The following SLC9C2 variants were observed in gnomAD, a reference collection of about 807,000 sequenced individuals.
SLC9C2 encodes the protein solute carrier family 9 member C2 (putative).
A neutral mutation model predicts 140.2 loss-of-function variants in SLC9C2; 75 were observed. That is an observed-to-expected ratio of 0.53 (90% CI 0.44 to 0.65). SLC9C2 has a LOEUF of 0.65. Ranked by LOEUF, SLC9C2 falls within the 30% of genes least tolerant of loss-of-function variation. SLC9C2 has a pLI of 0.00. For synonymous variants in SLC9C2, 375 were observed against 420.9 expected (o/e 0.89, Z 1.34); for missense variants, 1,074 against 1,331.8 (o/e 0.81, Z 3.01).
At chr1:173,587,931 T>C in intron 4 of SLC9C2, 101 bp from the exon 5 acceptor site, 4 of 872,312 alleles carry the variant, frequency 4.6e-6, no homozygotes, top group Non-Finnish European at 6.8e-6. Flanking sequence ...GTAAATGTTA[T>C]ACAATTACCC....
intron 9 of SLC9C2, among the ~76,000 whole-genome samples, chr1:173,569,890 C>T (rs1486200194): frequency 6.6e-6 from 1 of 152,142 alleles, no homozygotes; most frequent in South Asian, 2.1e-4. Context: ...CAAAGTTCTT[C>T]CCACTCTTTC....
intron 4 of SLC9C2, among the ~76,000 whole-genome samples, chr1:173,592,767 G>C (rs984135644): frequency 6.6e-6 from 1 of 152,086 alleles, no homozygotes. Flanking sequence ...GAGATTATGG[G>C]GTTTTCTAGA....
chr1:173,524,679 C>A, intron 20 of SLC9C2, 100 bp downstream of exon 20: 9 of 1,309,080 alleles, frequency 6.9e-6, no homozygotes, highest in Non-Finnish European at 9.6e-6. Context: ...AGAGTTAACA[C>A]CTGTGGTTAA....
At chr1:173,550,436 A>ATTTTTTTT (rs1467477294) in intron 11 of SLC9C2, among the ~76,000 whole-genome samples, 1 of 122,900 alleles carries the variant, frequency 8.1e-6, no homozygotes, top group African/African-American at 3.9e-5. Context: ...TTATTTATTT[A>ATTTTTTTT]TTTATTTATT....
At chr1:173,528,707 C>G (rs533159323) in intron 18 of SLC9C2, among the ~76,000 whole-genome samples, 1 of 152,276 alleles carries the variant, frequency 6.6e-6, no homozygotes, top group African/African-American at 2.4e-5. Context: ...TCTAGGCCAT[C>G]CATGGTTTTA....
intron 9 of SLC9C2, 84 bp downstream of exon 9, chr1:173,573,098 T>G: frequency 1.0e-6 from 1 of 1,000,254 alleles, no homozygotes; most frequent in Non-Finnish European, 1.4e-6. Flanking sequence ...AGAGCCCTTT[T>G]TGCTGTATGC....
chr1:173,550,546 C>A (rs1663205650), intron 11 of SLC9C2, among the ~76,000 whole-genome samples: 1 of 150,812 alleles, frequency 6.6e-6, no homozygotes, highest in Non-Finnish European at 1.5e-5. Flanking sequence ...TCAAGTGATT[C>A]TCCTGCCTCA....
chr1:173,506,720 A>T, intron 25 of SLC9C2, 136 bp downstream of exon 25: 1 of 699,036 alleles, frequency 1.4e-6, no homozygotes. Flanking sequence ...GTACATTTTT[A>T]CTGTTTGTAA....
chr1:173,552,773 T>A (rs976551693), intron 11 of SLC9C2, among the ~76,000 whole-genome samples: 1 of 152,072 alleles, frequency 6.6e-6, no homozygotes, highest in African/African-American at 2.4e-5. Flanking sequence ...GGACAAGGAG[T>A]TGAATGTTGT....
chr1:173,523,983 T>C lies in SLC9C2; in HGVS notation c.2626A>G (p.Ile876Val). 1 of 1,610,842 alleles carries C rather than the reference T, an allele frequency of 6.2e-7. No homozygotes were observed. The highest frequency in any genetic ancestry group is 8.5e-7 in the Non-Finnish European group (1 of 1,179,124). The change falls in exon 21 of 28, where the codon ATT (isoleucine) becomes GTT (valine). Residue 876 changes from isoleucine (I) to valine (V), a missense_variant. Physicochemically the swap from Ile to Val is conservative, Grantham distance 29. Transcript: ENST00000367714. ...IIWLEGKDVL[I>V]DFFKERAKLA... ...GGAATCTTTACCTTGAAGAAGTCAA[T>C]GAGAACATCTTTACCTTCCAGCCAA... is the stretch of plus-strand genomic sequence containing the variant.
chr1:173,575,978 C>T (rs1454165357), intron 8 of SLC9C2, among the ~76,000 whole-genome samples: 1 of 152,052 alleles, frequency 6.6e-6, no homozygotes, highest in African/African-American at 2.4e-5. Flanking sequence ...AAAAGTAGAA[C>T]GGACATAATT....
intron 19 of SLC9C2, among the ~76,000 whole-genome samples, chr1:173,525,532 T>C (rs1163708643): frequency 6.6e-6 from 1 of 152,272 alleles, no homozygotes; most frequent in Non-Finnish European, 1.5e-5. Flanking sequence ...GCATAGGTTT[T>C]AGTGTCAAAT....
In SLC9C2 at chr1:173,524,770, C is replaced by T; in HGVS notation, c.2514+9G>A. 1 of 1,613,058 alleles carries T rather than the reference C, an allele frequency of 6.2e-7. No individual in the cohort carries two copies. Among genetic ancestry groups the T allele is most frequent in the South Asian group, 1.1e-5 (1 of 90,978 alleles). ...GGGGTGTTATGCGGACAGAATCAAG[C>T]AAAATTACCTTATTTATCTCAATGA... On this transcript the variant is annotated intron_variant, in intron 20 of 27. Coordinates refer to ENST00000367714, the MANE Select transcript of SLC9C2 (RefSeq NM_178527.4).
rs71111066 is a variant in SLC9C2, at chr1:173,511,029, C to CTTTTTTTTTTTTTTTTTTTT, written c.2908-1350_2908-1331dup. The stretch of plus-strand genomic sequence containing the variant: ...CCTGGATTTTTTTTCCTTTCTTTTC[C>CTTTTTTTTTTTTTTTTTTTT]TTTTTTTTTTTTTTTTTTTTTTTTG... On this transcript the variant is annotated intron_variant, in intron 23 of 27. Coordinates refer to ENST00000367714, the MANE Select transcript of SLC9C2 (RefSeq NM_178527.4). Among the ~76,000 whole-genome samples, 18 of 86,738 alleles carry CTTTTTTTTTTTTTTTTTTTT rather than the reference C, an allele frequency of 2.1e-4. 1 individual carries two copies. The highest frequency in any genetic ancestry group is 9.3e-4 in the African/African-American group (17 of 18,298). 56.9% of individuals were successfully genotyped at this position (86,738 alleles called of 152,430 possible). A position where few individuals can be genotyped will look rare whatever the true frequency, so the allele number is the denominator to read the frequency against.
At chr1:173,507,633 T>C (rs1363032277) in intron 24 of SLC9C2, among the ~76,000 whole-genome samples, 1 of 152,102 alleles carries the variant, frequency 6.6e-6, no homozygotes, top group Non-Finnish European at 1.5e-5. Context: ...TAAGATGAAG[T>C]CATACTGGAA....
At chr1:173,526,428 C>T (rs1395804601) in intron 19 of SLC9C2, among the ~76,000 whole-genome samples, 1 of 152,162 alleles carries the variant, frequency 6.6e-6, no homozygotes, top group Non-Finnish European at 1.5e-5. Context: ...ACTCTGCTAA[C>T]TTTTTCAATT....
intron 9 of SLC9C2, among the ~76,000 whole-genome samples, chr1:173,561,313 G>C (rs1664088885): frequency 6.6e-6 from 1 of 152,182 alleles, no homozygotes; most frequent in South Asian, 2.1e-4. Context: ...GTTGCTGTTT[G>C]CCTGGGATGG....
chr1:173,509,645 A>G lies in SLC9C2; in HGVS notation c.2962T>C (p.Ser988Pro). Reference protein sequence around the residue: ...LYEGFDAFWPSLEYKIWLKLA... With the variant: ...LYEGFDAFWPPLEYKIWLKLA... ...TTTAGCCATATTTTATATTCCAGAG[A>G]TGGCCAGAAGGCATCAAAGCCTTCA... The change falls in exon 24 of 28, where the codon TCT (serine) becomes CCT (proline). Residue 988 changes from serine to proline, a missense_variant. Transcript: ENST00000367714. 6.3e-7 allele frequency: 1 copy of G among 1,596,308 alleles called. No homozygotes were observed. The highest frequency in any genetic ancestry group is 1.4e-5 in the African/African-American group (1 of 73,514).
At chr1:173,541,700 G>A (rs997532628) in intron 13 of SLC9C2, among the ~76,000 whole-genome samples, 15 of 152,178 alleles carry the variant, frequency 9.9e-5, no homozygotes, top group Non-Finnish European at 2.2e-4. Context: ...TCAGGATTAA[G>A]AAAGTCATTC....
Sources: gnomAD v4.1 joint callset for allele counts (sites outside exome capture counted in the v4.1 genomes callset) on GRCh38, gnomAD v4.1.1 for gene constraint, MANE v1.5 for transcripts, NCBI Gene and HGNC (gene_info 2026-07-23, HGNC 2026-07-21) for gene names.